MYO3B: variants seen among roughly 807,000 people sequenced by gnomAD.
MYO3B encodes the protein myosin-IIIb.
In MYO3B, 156 loss-of-function variants were observed where a neutral mutation model predicts 174.6. That is an observed-to-expected ratio of 0.89 (90% CI 0.78 to 1.02). The LOEUF (loss-of-function observed/expected upper bound fraction) is 1.02. Ranked by LOEUF, MYO3B falls within the 50% of genes least tolerant of loss-of-function variation. MYO3B has a pLI of 0.00. For missense variants in MYO3B, 1,632 were observed against 1,639.4 expected, an observed-to-expected ratio of 1.00 and a Z score of 0.08; for synonymous variants, 563 against 569.1, an observed-to-expected ratio of 0.99 and a Z score of 0.15.
chr2:170,626,372 G>C (rs1696431547), intron 32 of MYO3B, among the ~76,000 whole-genome samples: 1 of 152,098 alleles, frequency 6.6e-6, no homozygotes, highest in Non-Finnish European at 1.5e-5. Context: ...GACTAGGATT[G>C]CAACCCCTGC....
At chr2:170,643,611 CTG>C (rs1364760772) in intron 32 of MYO3B, 1 of 152,196 alleles carries the variant, frequency 6.6e-6, no homozygotes, top group African/African-American at 2.4e-5. Context: ...ACTGAACACT[CTG>C]TTTGCTTAAA....
In MYO3B at chr2:170,522,420, C is replaced by T. The variant is rs556606488; in HGVS notation, c.3575+2880C>T. Among the ~76,000 whole-genome samples the T allele has an allele frequency of 2.6e-5, 4 of 152,336 alleles. No homozygotes were observed. The South Asian group carries it at 6.2e-4, about 24-fold the overall frequency. On this transcript the variant is annotated intron_variant, in intron 30 of 34. Transcript: ENST00000408978. ...TTGACCCCTACCTCTCACTTAATCT[C>T]ACTTCCAGTCATTTTCCAAATACTC...
chr2:170,215,286 T>G lies in MYO3B; in HGVS notation c.526+458T>G, dbSNP rs540149531. On this transcript the variant is annotated intron_variant, in intron 5 of 34. Transcript: ENST00000408978. ...GCCTGGGAGCTAACATCCTTTTAAA[T>G]TGTGTTTACTGCTGCTACATGTGAG... Among the ~76,000 whole-genome samples, 6 of 152,296 alleles carry G rather than the reference T, an allele frequency of 3.9e-5. No homozygotes were observed. The East Asian group carries it at 1.2e-3, about 29-fold the overall frequency.
intron 3 of MYO3B, among the ~76,000 whole-genome samples, chr2:170,209,100 G>C (rs567165765): frequency 6.6e-6 from 1 of 152,238 alleles, no homozygotes; most frequent in Admixed American, 6.5e-5. Flanking sequence ...TCTGCAAGTC[G>C]AGCTTGACTC....
At chr2:170,298,396 G>C (rs938970305) in intron 7 of MYO3B, among the ~76,000 whole-genome samples, 2 of 152,136 alleles carry the variant, frequency 1.3e-5, no homozygotes, top group Admixed American at 1.3e-4. Context: ...TGAATTTCAG[G>C]CTGGGTGCAG....
intron 25 of MYO3B, among the ~76,000 whole-genome samples, chr2:170,472,200 A>G (rs1685016599): frequency 1.3e-5 from 2 of 152,066 alleles, no homozygotes; most frequent in African/African-American, 4.8e-5. Context: ...TTCCTATCTG[A>G]GCATATTGTT....
At chr2:170,262,714 C>T (rs1668457855) in intron 7 of MYO3B, among the ~76,000 whole-genome samples, 1 of 152,134 alleles carries the variant, frequency 6.6e-6, no homozygotes, top group African/African-American at 2.4e-5. Flanking sequence ...ATCTGGGGGT[C>T]CCAGTCAGAA....
chr2:170,245,412 C>T (rs1433003201), intron 7 of MYO3B, among the ~76,000 whole-genome samples: 1 of 152,132 alleles, frequency 6.6e-6, no homozygotes, highest in Non-Finnish European at 1.5e-5. Context: ...GATAGAGCAC[C>T]CACTACCAGC....
chr2:170,191,663 T>C (rs1487813073), intron 1 of MYO3B, among the ~76,000 whole-genome samples: 1 of 152,144 alleles, frequency 6.6e-6, no homozygotes. Context: ...CTCCCGCAAG[T>C]GCACAGATTA....
At chr2:170,209,048 C>T (rs1398169135) in intron 3 of MYO3B, among the ~76,000 whole-genome samples, 1 of 152,156 alleles carries the variant, frequency 6.6e-6, no homozygotes, top group Non-Finnish European at 1.5e-5. Context: ...TATACAGGTA[C>T]TGCGTAGATA....
At chr2:170,435,849 G>A (rs891596622) in intron 22 of MYO3B, among the ~76,000 whole-genome samples, 50 of 152,212 alleles carry the variant, frequency 3.3e-4, no homozygotes, top group African/African-American at 1.1e-3. Flanking sequence ...GGGTGCAGCA[G>A]AGGGAGACTG....
chr2:170,480,031 G>A (rs1575047964), intron 25 of MYO3B, among the ~76,000 whole-genome samples: 1 of 114,184 alleles, frequency 8.8e-6, no homozygotes, highest in Admixed American at 1.1e-4. Context: ...CTATATATAT[G>A]TGTGTGTGTG....
chr2:170,354,268 TC>T (rs1480595770), intron 8 of MYO3B, among the ~76,000 whole-genome samples: 1 of 152,220 alleles, frequency 6.6e-6, no homozygotes, highest in African/African-American at 2.4e-5. Flanking sequence ...CAGTTCTGGT[TC>T]CTTTTTTTTG....
chr2:170,483,355 A>G (rs1225425222), intron 25 of MYO3B, among the ~76,000 whole-genome samples: 1 of 150,202 alleles, frequency 6.7e-6, no homozygotes, highest in Non-Finnish European at 1.5e-5. Flanking sequence ...GGCTGAATTA[A>G]AACTCCTTGC....
chr2:170,386,526 A>G (rs1357478408), intron 13 of MYO3B, among the ~76,000 whole-genome samples: 1 of 152,200 alleles, frequency 6.6e-6, no homozygotes, highest in East Asian at 1.9e-4. Flanking sequence ...TTTCAATGTA[A>G]TAGAAACATT....
chr2:170,447,257 T>G (rs1404085165), intron 23 of MYO3B, among the ~76,000 whole-genome samples: 1 of 152,220 alleles, frequency 6.6e-6, no homozygotes, highest in Non-Finnish European at 1.5e-5. Flanking sequence ...CAGTCAGTTT[T>G]CAATGTGTCT....
At chr2:170,486,926 C>G (rs1686104574) in intron 25 of MYO3B, among the ~76,000 whole-genome samples, 1 of 152,350 alleles carries the variant, frequency 6.6e-6, no homozygotes, top group South Asian at 2.1e-4. Flanking sequence ...CCCTTCTCCA[C>G]TTGATGGCAG....
At chr2:170,431,622 G>A (rs926478354) in intron 22 of MYO3B, among the ~76,000 whole-genome samples, 5 of 152,204 alleles carry the variant, frequency 3.3e-5, no homozygotes, top group Non-Finnish European at 5.9e-5. Context: ...TCCTTAAAAT[G>A]CCAGACAATT....
At chr2:170,325,314 TCTC>T (rs2093857598) in intron 7 of MYO3B, among the ~76,000 whole-genome samples, 1 of 151,998 alleles carries the variant, frequency 6.6e-6, no homozygotes, top group Non-Finnish European at 1.5e-5. Context: ...TTCAAGCAAT[TCTC>T]CTGCTTCAGC....
Sources: allele counts gnomAD v4.1 joint callset (sites outside exome capture counted in the v4.1 genomes callset), GRCh38; gene constraint gnomAD v4.1.1; transcripts MANE v1.5; gene names NCBI Gene and HGNC (gene_info 2026-07-23, HGNC 2026-07-21).